The following COL25A1 variants were observed in gnomAD, a reference collection of about 807,000 sequenced individuals.
COL25A1 encodes the protein collagen type XXV alpha 1 chain.
A neutral mutation model predicts 128.4 loss-of-function variants in COL25A1; 103 were observed. That is an observed-to-expected ratio of 0.80 (90% CI 0.68 to 0.94). The LOEUF is 0.94. COL25A1 is among the 40% of genes least tolerant of loss of function. The pLI, the probability that COL25A1 is intolerant of heterozygous loss-of-function variation, is 0.00. For missense variants in COL25A1, 745 were observed against 840.0 expected, an observed-to-expected ratio of 0.89 and a Z score of 1.40; for synonymous variants, 279 against 277.2, an observed-to-expected ratio of 1.01 and a Z score of -0.06.
At chr4:108,988,421 A>C (rs1387006420) in intron 6 of COL25A1, among the ~76,000 whole-genome samples, 3 of 152,214 alleles carry the variant, frequency 2.0e-5, no homozygotes, top group Non-Finnish European at 4.4e-5. Context: ...ATGAGGATAG[A>C]GTTCAACTAG....
chr4:108,983,705 G>A (rs529928413), intron 6 of COL25A1, among the ~76,000 whole-genome samples: 14 of 152,078 alleles, frequency 9.2e-5, no homozygotes, highest in Non-Finnish European at 1.8e-4. Flanking sequence ...CAGGAGTGAA[G>A]CTGCGGACCT....
intron 3 of COL25A1, among the ~76,000 whole-genome samples, chr4:109,183,877 TTTATGAAGCCCATA>T (rs752634862): frequency 5.3e-5 from 8 of 151,432 alleles, no homozygotes; most frequent in Non-Finnish European, 1.0e-4. Flanking sequence ...ACTTAAAATA[TTTATGAAGCCCATA>T]TTACTTATAC....
At position 109,301,713 on chromosome 4, in the gene COL25A1, C is replaced by A. The variant is rs1389702964; in HGVS notation, c.297+10G>T. 1.2e-6 allele frequency: 2 copies of A among 1,608,178 alleles called. No homozygotes were observed. Among genetic ancestry groups the A allele is most frequent in the South Asian group, 1.1e-5 (1 of 90,478 alleles). ...GTTACCCACGTGCAAAATACCCCAGCCTCTCACACCTGAGCCAGAAGTCGC... is the reference window on the plus strand; with the variant it reads ...GTTACCCACGTGCAAAATACCCCAGACTCTCACACCTGAGCCAGAAGTCGC... On this transcript the variant is annotated intron_variant, in intron 2 of 37. Transcript: ENST00000399132.
intron 3 of COL25A1, among the ~76,000 whole-genome samples, chr4:109,241,965 C>T (rs1291045275): frequency 6.6e-6 from 1 of 151,814 alleles, no homozygotes; most frequent in East Asian, 1.9e-4. Flanking sequence ...CATATCAAGA[C>T]TTGACTTTTC....
intron 31 of COL25A1, among the ~76,000 whole-genome samples, chr4:108,838,523 A>C (rs1274310114): frequency 6.6e-6 from 1 of 152,170 alleles, no homozygotes; most frequent in Non-Finnish European, 1.5e-5. Flanking sequence ...GAGGATGCTG[A>C]AGAAGATTCG....
intron 3 of COL25A1, among the ~76,000 whole-genome samples, chr4:109,072,159 CT>C (rs1179837976): frequency 6.6e-6 from 1 of 152,094 alleles, no homozygotes; most frequent in Non-Finnish European, 1.5e-5. Flanking sequence ...CATATACTGC[CT>C]AATTGCTTTC....
At chr4:109,218,357 G>GTTTTTTTTTTGTTTGTTTGT (rs1553961829) in intron 3 of COL25A1, among the ~76,000 whole-genome samples, 25 of 73,564 alleles carry the variant, frequency 3.4e-4, no homozygotes, top group Non-Finnish European at 4.2e-4. Flanking sequence ...GTTTTTTGGG[G>GTTTTTTTTTTGTTTGTTTGT]TTTTTTTTTT....
At chr4:109,001,424 G>GGTAGGCATC (rs1561003582) in intron 6 of COL25A1, among the ~76,000 whole-genome samples, 1 of 18,416 alleles carries the variant, frequency 5.4e-5, no homozygotes, top group Non-Finnish European at 1.7e-4. Context: ...CAGGTAGGCA[G>GGTAGGCATC]TGAGCTAGAG....
intron 31 of COL25A1, among the ~76,000 whole-genome samples, chr4:108,840,280 T>C (rs1438771546): frequency 6.8e-6 from 1 of 147,916 alleles, no homozygotes; most frequent in East Asian, 2.0e-4. Context: ...GTAGGAAGCA[T>C]TGATTTAGTC....
At chr4:109,065,578 G>A (rs1340587974) in intron 3 of COL25A1, among the ~76,000 whole-genome samples, 2 of 150,120 alleles carry the variant, frequency 1.3e-5, no homozygotes, top group Admixed American at 1.3e-4. Flanking sequence ...GTGTGTGTGT[G>A]TGTGCAGGTG....
At chr4:109,044,787 T>A (rs1196554401) in intron 5 of COL25A1, among the ~76,000 whole-genome samples, 4 of 152,182 alleles carry the variant, frequency 2.6e-5, no homozygotes, top group Admixed American at 2.6e-4. Flanking sequence ...TATGCCTCGA[T>A]AGCACACTTG....
At position 109,030,776 on chromosome 4, in the gene COL25A1, T is replaced by G. The variant is rs530911714; in HGVS notation, c.420+17392A>C. ...CATTTTGTTGTTGTTGTTGTTGTTTTGGGTCTCGCTTTGTCACCCAAGCTG... is the reference window on the plus strand; with the variant it reads ...CATTTTGTTGTTGTTGTTGTTGTTTGGGGTCTCGCTTTGTCACCCAAGCTG... On this transcript the variant is annotated intron_variant, in intron 5 of 37. Coordinates refer to ENST00000399132, the MANE Select transcript of COL25A1 (RefSeq NM_198721.4). Among the ~76,000 whole-genome samples, 3 of 152,158 alleles carry G rather than the reference T, an allele frequency of 2.0e-5. No individual in the cohort carries two copies. In the South Asian group the frequency reaches 6.2e-4, roughly 32 times the overall value.
intron 3 of COL25A1, among the ~76,000 whole-genome samples, chr4:109,083,448 ATTTTT>A (rs60165291): frequency 0.016 from 1,225 of 77,116 alleles, 74 homozygotes; most frequent in African/African-American, 0.055. Flanking sequence ...CACTAAATAA[ATTTTT>A]TTTTTTTTTT....
rs1208601139 is a variant in COL25A1, at chr4:109,176,816, C to CAG, written c.367+123766_367+123767insCT. ...AAGAGGAGGAACATAGAGGAGAAGG[C>CAG]CACGTGAAGAGAGAGGCAGAGGCAG... On this transcript the variant is annotated intron_variant, in intron 3 of 37. Transcript: ENST00000399132. Among the ~76,000 whole-genome samples the CAG allele has an allele frequency of 2.6e-5, 4 of 152,146 alleles. No homozygotes were observed. The East Asian group carries it at 7.8e-4, about 30-fold the overall frequency.
At chr4:109,021,026 T>A (rs1214122055) in intron 5 of COL25A1, among the ~76,000 whole-genome samples, 2 of 152,200 alleles carry the variant, frequency 1.3e-5, no homozygotes, top group African/African-American at 4.8e-5. Flanking sequence ...TGCAATACTC[T>A]CTCGATGTTG....
At chr4:109,040,761 A>G (rs1266118762) in intron 5 of COL25A1, among the ~76,000 whole-genome samples, 2 of 152,194 alleles carry the variant, frequency 1.3e-5, no homozygotes, top group African/African-American at 4.8e-5. Context: ...CAGGTGTCCA[A>G]TCATCAACTA....
chr4:108,877,688 A>G (rs901380094), intron 19 of COL25A1, among the ~76,000 whole-genome samples: 6 of 152,106 alleles, frequency 3.9e-5, no homozygotes, highest in Admixed American at 2.0e-4. Context: ...ACACATGAAC[A>G]ACTACCATCT....
chr4:109,075,439 A>G (rs1276197613), intron 3 of COL25A1, among the ~76,000 whole-genome samples: 1 of 152,124 alleles, frequency 6.6e-6, no homozygotes, highest in Non-Finnish European at 1.5e-5. Flanking sequence ...AGACATGACT[A>G]GAGTCACGTT....
chr4:109,028,315 C>G (rs1388671130), intron 5 of COL25A1, among the ~76,000 whole-genome samples: 1 of 152,152 alleles, frequency 6.6e-6, no homozygotes, highest in African/African-American at 2.4e-5. Context: ...TGCTATGCTT[C>G]CCAGGCTGGT....
Sources: gnomAD v4.1 joint callset for allele counts (sites outside exome capture counted in the v4.1 genomes callset) on GRCh38, gnomAD v4.1.1 for gene constraint, MANE v1.5 for transcripts, NCBI Gene and HGNC (gene_info 2026-07-23, HGNC 2026-07-21) for gene names.